The following MINDY3 variants were observed in gnomAD, a reference collection of about 807,000 sequenced individuals.
MINDY3 encodes MINDY lysine 48 deubiquitinase 3.
In MINDY3, 38 loss-of-function variants were observed where a neutral mutation model predicts 69.2. The ratio of observed to expected loss-of-function variants is 0.55; its 90% CI spans 0.42 to 0.72. MINDY3 has a LOEUF of 0.72. Ranked by LOEUF, MINDY3 falls within the 30% of genes least tolerant of loss-of-function variation. The probability of loss-of-function intolerance (pLI) is 0.00; values close to 1 mark genes in which losing one functional copy is unlikely to be tolerated. For missense variants in MINDY3, 522 were observed against 519.0 expected (o/e 1.01, Z -0.06); for synonymous variants, 192 against 180.1 (o/e 1.07, Z -0.53).
At chr10:15,831,135 A>G (rs1231502532) in intron 8 of MINDY3, among the ~76,000 whole-genome samples, 1 of 152,236 alleles carries the variant, frequency 6.6e-6, no homozygotes, top group Non-Finnish European at 1.5e-5. Context: ...ATTTGAATTC[A>G]CTGCCTCAAG....
chr10:15,846,645 A>C lies in MINDY3; in HGVS notation c.174+1219T>G, dbSNP rs553210259. 6.6e-5 allele frequency among the ~76,000 whole-genome samples: 10 copies of C among 152,268 alleles called. No individual in the cohort carries two copies. In the South Asian group the frequency reaches 2.1e-3, roughly 32 times the overall value. On this transcript the variant is annotated intron_variant, in intron 2 of 14. Coordinates refer to ENST00000277632, the MANE Select transcript of MINDY3 (RefSeq NM_024948.4). ...TCCTCTACAGAAATATATTTTTAAT[A>C]ATGTAAGTATTATTATGCTCTATAT... is the stretch of plus-strand genomic sequence containing the variant.
chr10:15,806,087 G>A (rs543610005), intron 10 of MINDY3, among the ~76,000 whole-genome samples: 1 of 152,218 alleles, frequency 6.6e-6, no homozygotes, highest in Admixed American at 6.5e-5. Flanking sequence ...CCCTTCTTGA[G>A]TACCACTGTG....
intron 9 of MINDY3, among the ~76,000 whole-genome samples, chr10:15,819,676 C>T (rs1360610950): frequency 6.6e-6 from 1 of 152,184 alleles, no homozygotes; most frequent in African/African-American, 2.4e-5. Flanking sequence ...CTGCATGTGG[C>T]CCTGCCTGGC....
At chr10:15,782,842 G>A (rs1028425068) in intron 13 of MINDY3, among the ~76,000 whole-genome samples, 7 of 152,154 alleles carry the variant, frequency 4.6e-5, no homozygotes, top group African/African-American at 1.7e-4. Flanking sequence ...AACAGAGTAA[G>A]CTTGTAGAAA....
chr10:15,832,612 T>C (rs551025264), intron 8 of MINDY3, among the ~76,000 whole-genome samples: 2 of 152,300 alleles, frequency 1.3e-5, no homozygotes, highest in Admixed American at 6.5e-5. Flanking sequence ...TCACCAAAAC[T>C]TGGCTCTCAT....
chr10:15,786,213 C>T (rs1352788576), intron 13 of MINDY3, among the ~76,000 whole-genome samples: 2 of 152,138 alleles, frequency 1.3e-5, no homozygotes, highest in East Asian at 3.9e-4. Context: ...GCCACCTTGA[C>T]CTCTTCTCAC....
intron 8 of MINDY3, among the ~76,000 whole-genome samples, chr10:15,825,842 T>A (rs996869869): frequency 6.6e-6 from 1 of 152,190 alleles, no homozygotes; most frequent in African/African-American, 2.4e-5. Flanking sequence ...TAATACTGAT[T>A]TCTTTTTATA....
chr10:15,836,229 C>A (rs1833072685), intron 6 of MINDY3, among the ~76,000 whole-genome samples: 1 of 152,100 alleles, frequency 6.6e-6, no homozygotes, highest in African/African-American at 2.4e-5. Flanking sequence ...CTTGCAGTGC[C>A]CACTGCTGGA....
chr10:15,843,698 C>T (rs1336004287), intron 2 of MINDY3, among the ~76,000 whole-genome samples: 2 of 152,044 alleles, frequency 1.3e-5, no homozygotes, highest in East Asian at 3.8e-4. Context: ...ATCTGTGACA[C>T]AAGATTAACA....
rs1314883208 is a variant in MINDY3 at position 15,847,849 on chromosome 10, A to G, written c.174+15T>C. ...AAATGTCCCTCTAAGGAGTTGGTAA[A>G]GGAGTCTATGTTACCTGAACAGGTG... On this transcript the variant is annotated intron_variant, in intron 2 of 14. Transcript: ENST00000277632. 6.2e-7 allele frequency: 1 copy of G among 1,601,470 alleles called. No homozygotes were observed. Among genetic ancestry groups the G allele is most frequent in the East Asian group, 2.2e-5 (1 of 44,814 alleles).
At chr10:15,835,403 A>G (rs570713400) in intron 6 of MINDY3, among the ~76,000 whole-genome samples, 39 of 152,264 alleles carry the variant, frequency 2.6e-4, no homozygotes, top group African/African-American at 9.1e-4. Context: ...ATGATTAATT[A>G]ACAACCAAGA....
rs74988810 is a variant in MINDY3, at chr10:15,846,368, A to C, written c.174+1496T>G. On this transcript the variant is annotated intron_variant, in intron 2 of 14. Coordinates refer to ENST00000277632, the MANE Select transcript of MINDY3 (RefSeq NM_024948.4). ...TTTATATAATCTAATTTACATATGG[A>C]CATAACAAGGAATCTTCAAATTGAG... is the stretch of plus-strand genomic sequence containing the variant. Among the ~76,000 whole-genome samples, 1,114 of 152,298 alleles carry C rather than the reference A, an allele frequency of 7.3e-3. 4 individuals are homozygous for C. The highest frequency in any genetic ancestry group is 0.014 in the Middle Eastern group (4 of 294).
Position 15,796,184 on chromosome 10 carries a change from A to G in MINDY3, c.883-12T>C. On this transcript the variant is annotated splice_polypyrimidine_tract_variant and intron_variant, in intron 10 of 14. Coordinates refer to ENST00000277632, the MANE Select transcript of MINDY3 (RefSeq NM_024948.4). The stretch of plus-strand genomic sequence containing the variant: ...ACTAAAGCCATATCCTGAAAAGATA[A>G]GAAGCATGTTGTCAACCAGCTACAG... The G allele has an allele frequency of 6.2e-7, 1 of 1,609,304 alleles. No homozygotes were observed. Among genetic ancestry groups the G allele is most frequent in the Non-Finnish European group, 8.5e-7 (1 of 1,176,084 alleles).
intron 10 of MINDY3, among the ~76,000 whole-genome samples, 191 bp from the exon 11 acceptor site, chr10:15,796,363 A>G (rs774459150): frequency 8.5e-5 from 13 of 152,062 alleles, no homozygotes; most frequent in Admixed American, 2.6e-4. Context: ...AAGTGGCAAT[A>G]AAAGCTTAAC....
intron 12 of MINDY3, among the ~76,000 whole-genome samples, chr10:15,787,754 TGTATA>T (rs1837085148): frequency 1.3e-5 from 2 of 152,300 alleles, no homozygotes; most frequent in Admixed American, 1.3e-4. Context: ...CTATCATTCT[TGTATA>T]GTATACTGTA....
At chr10:15,851,792 T>C (rs1406843113) in intron 1 of MINDY3, among the ~76,000 whole-genome samples, 1 of 152,166 alleles carries the variant, frequency 6.6e-6, no homozygotes, top group African/African-American at 2.4e-5. Flanking sequence ...TGACACAGCC[T>C]GCTTAAAACA....
intron 14 of MINDY3, among the ~76,000 whole-genome samples, chr10:15,781,938 T>C (rs1247757414): frequency 6.6e-6 from 1 of 152,158 alleles, no homozygotes; most frequent in African/African-American, 2.4e-5. Context: ...TTAGTCATGG[T>C]GAAACTACTG....
intron 1 of MINDY3, among the ~76,000 whole-genome samples, chr10:15,850,813 CT>C (rs1220725547): frequency 6.6e-6 from 1 of 152,124 alleles, no homozygotes; most frequent in African/African-American, 2.4e-5. Context: ...TAAAAACTTG[CT>C]GGTTTTGCGG....
rs138529549 is a variant in MINDY3, at chr10:15,850,629, G to A, written c.95-2686C>T. ...CTGCCTAGTAAATTTTAGTCAGACC[G>A]GTTGTCTGCTCTCAAACCCTGTCTC... On this transcript the variant is annotated intron_variant, in intron 1 of 14. Transcript: ENST00000277632. Among the ~76,000 whole-genome samples the A allele has an allele frequency of 4.2e-3, 632 of 152,160 alleles. 7 individuals are homozygous for A. Among genetic ancestry groups the A allele is most frequent in the African/African-American group, 0.015 (602 of 41,504 alleles).
Sources: gnomAD v4.1 joint callset for allele counts (sites outside exome capture counted in the v4.1 genomes callset) on GRCh38, gnomAD v4.1.1 for gene constraint, MANE v1.5 for transcripts, NCBI Gene and HGNC (gene_info 2026-07-23, HGNC 2026-07-21) for gene names.